RAB3C: variants seen among roughly 807,000 people sequenced by gnomAD.
RAB3C encodes the protein ras-related protein Rab-3C.
In RAB3C, 17 loss-of-function variants were observed where a neutral mutation model predicts 26.4. The ratio of observed to expected loss-of-function variants is 0.64; its 90% CI spans 0.44 to 0.97. The LOEUF (loss-of-function observed/expected upper bound fraction) is 0.97. Among genes scored for constraint, RAB3C ranks in the 50% least tolerant of loss-of-function variants. The pLI, the probability that RAB3C is intolerant of heterozygous loss-of-function variation, is 0.00. For synonymous variants in RAB3C, 91 were observed against 95.9 expected (o/e 0.95, Z 0.30); for missense variants, 242 against 281.9 (o/e 0.86, Z 1.01).
At chr5:58,633,809 C>T (rs779770635) in intron 2 of RAB3C, among the ~76,000 whole-genome samples, 9 of 151,950 alleles carry the variant, frequency 5.9e-5, no homozygotes, top group Non-Finnish European at 1.2e-4. Flanking sequence ...TGATCATGCT[C>T]GTTTACCCTA....
At chr5:58,664,483 G>C (rs1747965342) in intron 2 of RAB3C, among the ~76,000 whole-genome samples, 1 of 152,060 alleles carries the variant, frequency 6.6e-6, no homozygotes, top group Admixed American at 6.6e-5. Context: ...AGAGGAGCAG[G>C]GAGGCAGTGG....
intron 4 of RAB3C, among the ~76,000 whole-genome samples, chr5:58,841,027 CA>C (rs1319386756): frequency 6.6e-6 from 1 of 152,216 alleles, no homozygotes; most frequent in Non-Finnish European, 1.5e-5. Context: ...GTATGCCCAC[CA>C]GGGGCAACCT....
chr5:58,847,007 A>G (rs904429897), intron 4 of RAB3C: 6 of 152,086 alleles, frequency 3.9e-5, no homozygotes, highest in African/African-American at 1.2e-4. Flanking sequence ...GGCATGAGGA[A>G]GCCTACAACA....
chr5:58,769,846 A>C (rs1011751974), intron 3 of RAB3C, among the ~76,000 whole-genome samples: 1 of 152,220 alleles, frequency 6.6e-6, no homozygotes, highest in African/African-American at 2.4e-5. Flanking sequence ...TTCTGATAAA[A>C]TATGAAGCTC....
intron 2 of RAB3C, among the ~76,000 whole-genome samples, chr5:58,635,789 A>G (rs1485261048): frequency 6.6e-6 from 1 of 152,176 alleles, no homozygotes; most frequent in East Asian, 1.9e-4. Flanking sequence ...GCAGTCCATG[A>G]TCATGATATA....
intron 3 of RAB3C, among the ~76,000 whole-genome samples, chr5:58,796,507 G>C (rs1742652145): frequency 6.6e-6 from 1 of 152,138 alleles, no homozygotes; most frequent in African/African-American, 2.4e-5. Context: ...GGATGTAACA[G>C]GGTCCTGGCA....
At chr5:58,619,754 T>C in intron 2 of RAB3C, among the ~76,000 whole-genome samples, 1 of 152,220 alleles carries the variant, frequency 6.6e-6, no homozygotes, top group South Asian at 2.1e-4. Context: ...CAAAATTATC[T>C]ATCTTCAATG....
chr5:58,805,579 G>C (rs191944598), intron 3 of RAB3C, among the ~76,000 whole-genome samples: 2 of 100,192 alleles, frequency 2.0e-5, no homozygotes, highest in East Asian at 5.4e-4. Context: ...GACAAAGCAA[G>C]ACTCCATCTG....
chr5:58,835,990 A>ATATAT (rs1451197827), intron 4 of RAB3C, among the ~76,000 whole-genome samples: 3 of 152,162 alleles, frequency 2.0e-5, no homozygotes, highest in African/African-American at 7.2e-5. Flanking sequence ...GGGTAAAATT[A>ATATAT]TTAGGGCGGG....
At chr5:58,594,299 C>G (rs1418614713) in intron 1 of RAB3C, among the ~76,000 whole-genome samples, 1 of 152,168 alleles carries the variant, frequency 6.6e-6, no homozygotes, top group Non-Finnish European at 1.5e-5. Flanking sequence ...TTGGTGTTAG[C>G]TCTAATAGAA....
At chr5:58,809,399 A>C (rs1442624096) in intron 3 of RAB3C, among the ~76,000 whole-genome samples, 1 of 152,024 alleles carries the variant, frequency 6.6e-6, no homozygotes. Flanking sequence ...AAAAAAAAAA[A>C]AAAACCTTAG....
intron 2 of RAB3C, among the ~76,000 whole-genome samples, chr5:58,722,527 C>A (rs1033497057): frequency 2.0e-5 from 3 of 151,538 alleles, no homozygotes; most frequent in African/African-American, 4.8e-5. Flanking sequence ...AAAATACGAA[C>A]CCAAGCCAAA....
intron 2 of RAB3C, among the ~76,000 whole-genome samples, chr5:58,654,547 C>G (rs1033496458): frequency 6.6e-6 from 1 of 151,994 alleles, no homozygotes; most frequent in Admixed American, 6.6e-5. Flanking sequence ...AATTACTTTT[C>G]CCATTTTTAA....
At chr5:58,833,107 C>A (rs1177058743) in intron 4 of RAB3C, among the ~76,000 whole-genome samples, 4 of 151,868 alleles carry the variant, frequency 2.6e-5, no homozygotes, top group African/African-American at 9.7e-5. Context: ...TGTATTAGGG[C>A]AGTACTGTTT....
intron 3 of RAB3C, among the ~76,000 whole-genome samples, chr5:58,782,256 G>C (rs1742287637): frequency 6.6e-6 from 1 of 152,098 alleles, no homozygotes; most frequent in African/African-American, 2.4e-5. Context: ...GGAAGAGAAA[G>C]CATCCTTGAC....
At chr5:58,800,992 T>A in intron 3 of RAB3C, among the ~76,000 whole-genome samples, 1 of 152,186 alleles carries the variant, frequency 6.6e-6, no homozygotes, top group Non-Finnish European at 1.5e-5. Flanking sequence ...CATTTGCCTT[T>A]GGGTACATTC....
intron 1 of RAB3C, 142 bp from the exon 2 acceptor site, chr5:58,617,501 T>C (rs182391732): frequency 2.9e-5 from 23 of 786,678 alleles, no homozygotes; most frequent in Middle Eastern, 4.5e-4. Flanking sequence ...AGAGGAAGAC[T>C]GGGGAGCACT....
At chr5:58,717,543 C>T (rs1749198133) in intron 2 of RAB3C, among the ~76,000 whole-genome samples, 1 of 152,076 alleles carries the variant, frequency 6.6e-6, no homozygotes, top group South Asian at 2.1e-4. Flanking sequence ...TCTCTCGCTG[C>T]ATAGTGCCAT....
intron 1 of RAB3C, among the ~76,000 whole-genome samples, chr5:58,586,162 A>G (rs938194008): frequency 2.0e-5 from 3 of 152,092 alleles, no homozygotes; most frequent in African/African-American, 7.2e-5. Flanking sequence ...TATACTATAT[A>G]ACAATCATAC....
Sources: allele counts gnomAD v4.1 joint callset (sites outside exome capture counted in the v4.1 genomes callset), GRCh38; gene constraint gnomAD v4.1.1; transcripts MANE v1.5; gene names NCBI Gene and HGNC (gene_info 2026-07-23, HGNC 2026-07-21).